Variants in CSMD1 observed in about 807,000 individuals in gnomAD.
The protein encoded by CSMD1 is CUB and sushi domain-containing protein 1.
Under a neutral mutation model 417.5 loss-of-function variants are expected in CSMD1, and 213 were observed. That is an observed-to-expected ratio of 0.51 (90% CI 0.46 to 0.57). The LOEUF is 0.57. Ranked by LOEUF, CSMD1 falls within the 20% of genes least tolerant of loss-of-function variation. CSMD1 has a pLI of 0.00. For missense variants in CSMD1, 6,923 were observed against 4,529.7 expected (o/e 1.53, Z -15.17); for synonymous variants, 2,862 against 1,736.8 (o/e 1.65, Z -16.11).
intron 5 of CSMD1, among the ~76,000 whole-genome samples, chr8:3,829,302 C>G (rs1268030087): frequency 6.6e-6 from 1 of 152,138 alleles, no homozygotes; most frequent in Non-Finnish European, 1.5e-5. Flanking sequence ...TCCTGAGCTA[C>G]TTCACTTATT....
At chr8:4,143,222 T>A (rs1002153478) in intron 3 of CSMD1, among the ~76,000 whole-genome samples, 1 of 151,182 alleles carries the variant, frequency 6.6e-6, no homozygotes, top group African/African-American at 2.5e-5. Flanking sequence ...AACGGTGTGG[T>A]CTAAACCCTC....
chr8:4,323,662 C>T (rs923886047), intron 3 of CSMD1, among the ~76,000 whole-genome samples: 7 of 152,126 alleles, frequency 4.6e-5, no homozygotes, highest in African/African-American at 1.7e-4. Context: ...GGGCAGTGGA[C>T]TCTACAAACA....
chr8:4,994,627 G>T lies in CSMD1; in HGVS notation c.-211C>A. ...GGGTCCCGAGCCACTGCAGGGCTGA[G>T]CTGCTCCGAGCGCGGAGACCCGGGC... is the stretch of plus-strand genomic sequence containing the variant. On this transcript the variant is annotated 5_prime_UTR_variant, in exon 1 of 70. Transcript: ENST00000635120. 1 of 488,198 alleles carries T rather than the reference G, an allele frequency of 2.0e-6. No individual in the cohort carries two copies. The highest frequency in any genetic ancestry group is 2.9e-5 in the South Asian group (1 of 34,520). The allele number at this position is 488,198 out of a possible 1,614,324, so 30.2% of individuals were successfully genotyped here.
chr8:3,099,485 C>CA (rs913059646), intron 46 of CSMD1, among the ~76,000 whole-genome samples: 6 of 152,154 alleles, frequency 3.9e-5, no homozygotes, highest in South Asian at 2.1e-4. Context: ...CTTATACTAA[C>CA]AAAAAAATGC....
chr8:4,152,455 G>C (rs540846788), intron 3 of CSMD1, among the ~76,000 whole-genome samples: 316 of 151,816 alleles, frequency 2.1e-3, no homozygotes, highest in Middle Eastern at 6.8e-3. Flanking sequence ...CAAGTGGCTT[G>C]CTTGAGCCCA....
chr8:4,902,411 C>G (rs752986343), intron 1 of CSMD1, among the ~76,000 whole-genome samples: 2 of 142,514 alleles, frequency 1.4e-5, no homozygotes, highest in African/African-American at 5.1e-5. Flanking sequence ...AGCAACAGAA[C>G]AAGAACCCAT....
At chr8:4,528,778 ACTTT>A (rs1457604260) in intron 2 of CSMD1, among the ~76,000 whole-genome samples, 1 of 91,324 alleles carries the variant, frequency 1.1e-5, no homozygotes, top group Non-Finnish European at 2.3e-5. Context: ...ATAAGAGCTC[ACTTT>A]CTCTCTCTCT....
intron 26 of CSMD1, among the ~76,000 whole-genome samples, chr8:3,257,712 T>C (rs1656801359): frequency 6.6e-6 from 1 of 152,070 alleles, no homozygotes; most frequent in African/African-American, 2.4e-5. Flanking sequence ...ACGGTGGGCC[T>C]AGAGCCTTGT....
At chr8:4,141,250 C>G (rs1442078505) in intron 3 of CSMD1, among the ~76,000 whole-genome samples, 1 of 151,046 alleles carries the variant, frequency 6.6e-6, no homozygotes, top group South Asian at 2.1e-4. Flanking sequence ...GAAGAATAAG[C>G]TTGATGCTGA....
intron 6 of CSMD1, among the ~76,000 whole-genome samples, chr8:3,726,259 C>G (rs1296833199): frequency 2.0e-5 from 3 of 152,174 alleles, no homozygotes; most frequent in Non-Finnish European, 4.4e-5. Flanking sequence ...GAAAGAACAG[C>G]CCAGCTAGGC....
At chr8:3,072,497 T>C (rs1193945297) in intron 49 of CSMD1, among the ~76,000 whole-genome samples, 2 of 152,214 alleles carry the variant, frequency 1.3e-5, no homozygotes, top group African/African-American at 2.4e-5. Context: ...CAGAAAATGT[T>C]CCACCAAGCT....
chr8:3,390,073 G>A (rs904582030), intron 17 of CSMD1, among the ~76,000 whole-genome samples: 1 of 152,088 alleles, frequency 6.6e-6, no homozygotes, highest in Non-Finnish European at 1.5e-5. Context: ...TCTGGAATTT[G>A]GCTGGGCACG....
At chr8:4,709,421 G>T (rs748807317) in intron 1 of CSMD1, among the ~76,000 whole-genome samples, 2 of 152,046 alleles carry the variant, frequency 1.3e-5, no homozygotes, top group Admixed American at 6.6e-5. Flanking sequence ...TTTTTACTTG[G>T]GGCTGCCCTG....
At chr8:3,954,933 T>C (rs1265462172) in intron 5 of CSMD1, among the ~76,000 whole-genome samples, 2 of 152,214 alleles carry the variant, frequency 1.3e-5, no homozygotes, top group Admixed American at 6.5e-5. Context: ...TTAACACTTA[T>C]GCACAGAAAG....
chr8:4,969,494 T>A (rs541181094), intron 1 of CSMD1, among the ~76,000 whole-genome samples: 30 of 151,572 alleles, frequency 2.0e-4, no homozygotes, highest in African/African-American at 7.0e-4. Flanking sequence ...TCTCTTTCTG[T>A]CTCCATCCAT....
intron 6 of CSMD1, among the ~76,000 whole-genome samples, chr8:3,740,527 TAC>T (rs1382929376): frequency 1.8e-4 from 27 of 152,132 alleles, no homozygotes; most frequent in Middle Eastern, 3.4e-3. Context: ...GGATGTGATA[TAC>T]AGACGGAAAG....
At chr8:4,247,998 G>C (rs975771069) in intron 3 of CSMD1, among the ~76,000 whole-genome samples, 4 of 151,976 alleles carry the variant, frequency 2.6e-5, no homozygotes, top group African/African-American at 9.7e-5. Context: ...GTTTAAGTTG[G>C]CTCTCCATAA....
At chr8:3,330,806 C>A (rs912640835) in intron 23 of CSMD1, among the ~76,000 whole-genome samples, 5 of 152,148 alleles carry the variant, frequency 3.3e-5, no homozygotes, top group Non-Finnish European at 2.9e-5. Context: ...AATTTTGTTG[C>A]TCTCCCATGG....
At chr8:3,976,870 G>A (rs978686018) in intron 5 of CSMD1, among the ~76,000 whole-genome samples, 5 of 152,124 alleles carry the variant, frequency 3.3e-5, no homozygotes, top group Non-Finnish European at 1.5e-5. Context: ...ACCAGCACTA[G>A]CACTGAGATG....
Sources: gnomAD v4.1 joint callset for allele counts (sites outside exome capture counted in the v4.1 genomes callset) on GRCh38, gnomAD v4.1.1 for gene constraint, MANE v1.5 for transcripts, NCBI Gene and HGNC (gene_info 2026-07-23, HGNC 2026-07-21) for gene names.